Variants in CAMTA2 observed in about 807,000 individuals in gnomAD.
CAMTA2 encodes the protein calmodulin binding transcription activator 2, also known as calmodulin-binding transcription activator 2.
Under a neutral mutation model 135.7 loss-of-function variants are expected in CAMTA2, and 56 were observed. That is an observed-to-expected ratio of 0.41 (90% CI 0.33 to 0.52). CAMTA2 has a LOEUF of 0.52. Among genes scored for constraint, CAMTA2 ranks in the 20% least tolerant of loss-of-function variants. CAMTA2 has a pLI of 0.16. For missense variants in CAMTA2, 1,358 were observed against 1,553.4 expected (o/e 0.87, Z 2.11); for synonymous variants, 591 against 604.6 (o/e 0.98, Z 0.33).
intron 12 of CAMTA2, 90 bp downstream of exon 12, chr17:4,974,295 G>T: frequency 1.2e-6 from 1 of 807,256 alleles, no homozygotes. Context: ...GGACAGGAGA[G>T]GGAGGAGAGT....
At chr17:4,984,795 C>A (rs1026756725) in intron 3 of CAMTA2, among the ~76,000 whole-genome samples, 1 of 149,508 alleles carries the variant, frequency 6.7e-6, no homozygotes, top group Non-Finnish European at 1.5e-5. Flanking sequence ...CCGAGATGGG[C>A]GGATCACTAG....
chr17:4,980,156 G>A lies in CAMTA2; in HGVS notation c.1166C>T (p.Thr389Ile). 2 of 1,585,516 alleles carry A rather than the reference G, an allele frequency of 1.3e-6. No homozygotes were observed. Among genetic ancestry groups the A allele is most frequent in the Admixed American group, 1.8e-5 (1 of 56,628 alleles). The stretch of plus-strand genomic sequence containing the variant: ...GCTTACTCCCTGCCCCCCTCCATAT[G>A]TCTGGCCCCTCTGGGGGCTGTTGAG... ...RFLNSPQRGQ[T>I]YGGGQGVSPD... The change falls in exon 9 of 23, where the codon ACA becomes ATA. Residue 389 changes from threonine (T) to isoleucine (I), a missense_variant. Physicochemically the swap from Thr to Ile is moderately conservative, Grantham distance 89 (BLOSUM62 -1). Coordinates refer to ENST00000348066, the MANE Select transcript of CAMTA2 (RefSeq NM_015099.4). The surrounding 1 kb of genome is among the most constrained non-coding windows in gnomAD (Gnocchi z 5.3).
chr17:4,979,641 G>A, intron 9 of CAMTA2, 43 bp downstream of exon 9: 1 of 1,409,710 alleles, frequency 7.1e-7, no homozygotes, highest in Non-Finnish European at 9.9e-7. Context: ...GGAGTCAGAA[G>A]ACAAATAGGA....
chr17:4,986,125 AGGGCCACTAAAGCGTG>A (rs1973264429), intron 2 of CAMTA2, 51 bp downstream of exon 2: 1 of 1,124,910 alleles, frequency 8.9e-7, no homozygotes, highest in Admixed American at 1.7e-5. Context: ...CAAGAATTAG[AGGGCCACTAAAGCGTG>A]GGGAGAACGA....
At position 4,968,565 on chromosome 17, in the gene CAMTA2, G is replaced by A. The variant is rs1282576238; in HGVS notation, c.*191C>T. 3.2e-6 allele frequency: 2 copies of A among 632,840 alleles called. No individual in the cohort carries two copies. The highest frequency in any genetic ancestry group is 2.7e-5 in the East Asian group (1 of 36,398). The allele number at this position is 632,840 out of a possible 1,614,324, so 39.2% of individuals were successfully genotyped here. On this transcript the variant is annotated 3_prime_UTR_variant, in exon 23 of 23. Transcript: ENST00000348066. The stretch of plus-strand genomic sequence containing the variant: ...TCTGGAGCCAGGACCAAAAGAGACG[G>A]GGCACGACCAGGAGGGACGAGGAGA...
At chr17:4,986,561 G>T (rs746129205) in intron 1 of CAMTA2, 226 of 516,514 alleles carry the variant, frequency 4.4e-4, no homozygotes, top group Non-Finnish European at 6.2e-4. Flanking sequence ...GGGCCTCAGA[G>T]GCCCTAAACC....
chr17:4,984,173 A>T (rs1303774118), intron 3 of CAMTA2, among the ~76,000 whole-genome samples: 6 of 148,558 alleles, frequency 4.0e-5, no homozygotes, highest in Non-Finnish European at 7.5e-5. Context: ...GATGGTCTTG[A>T]TCTCCCGACC....
In CAMTA2 at chr17:4,978,647, G is replaced by C. The variant is rs1391417881; in HGVS notation, c.1639-17C>G. ...GACCCCACCCTGCAGACAGAAGTCA[G>C]AGACCATGTGACTGGAGTTGGGCGT... On this transcript the variant is annotated splice_polypyrimidine_tract_variant and intron_variant, in intron 9 of 22. Transcript: ENST00000348066. The C allele has an allele frequency of 6.2e-7, 1 of 1,609,816 alleles. No homozygotes were observed. Among genetic ancestry groups the C allele is most frequent in the Non-Finnish European group, 8.5e-7 (1 of 1,177,056 alleles).
In CAMTA2 at chr17:4,968,096, C is replaced by A; in HGVS notation, c.*660G>T. On this transcript the variant is annotated 3_prime_UTR_variant, in exon 23 of 23. Transcript: ENST00000348066. ...AGGAGGCCCCCGCCGCGCTAGAGAACCACAAGCCCGGCCGTGCAGCCCTCC... is the reference window on the plus strand; with the variant it reads ...AGGAGGCCCCCGCCGCGCTAGAGAAACACAAGCCCGGCCGTGCAGCCCTCC... The A allele has an allele frequency of 2.0e-6, 1 of 491,928 alleles. No individual in the cohort carries two copies. Among genetic ancestry groups the A allele is most frequent in the Non-Finnish European group, 3.7e-6 (1 of 273,502 alleles). The allele number at this position is 491,928 out of a possible 1,614,324, so 30.5% of individuals were successfully genotyped here.
intron 1 of CAMTA2, chr17:4,986,866 A>C: frequency 9.4e-7 from 1 of 1,065,916 alleles, no homozygotes; most frequent in Non-Finnish European, 1.4e-6. Context: ...CACCCTCAGG[A>C]CAACCCACCC....
intron 15 of CAMTA2, 27 bp downstream of exon 15, chr17:4,972,741 CT>C (rs1486791780): frequency 2.5e-6 from 4 of 1,600,720 alleles, no homozygotes; most frequent in Non-Finnish European, 2.6e-6. Flanking sequence ...CTACATCCCT[CT>C]CTCCAAAAGA....
At chr17:4,973,833 G>T in intron 12 of CAMTA2, 64 bp from the exon 13 acceptor site, 4 of 1,430,270 alleles carry the variant, frequency 2.8e-6, no homozygotes, top group Non-Finnish European at 3.8e-6. Flanking sequence ...AGGTGGCCTT[G>T]GCCACCTCAC....
intron 9 of CAMTA2, 40 bp from the exon 10 acceptor site, chr17:4,978,670 C>T (rs374259666): frequency 2.5e-5 from 40 of 1,598,678 alleles, no homozygotes; most frequent in South Asian, 1.1e-4. Context: ...TGGAGTTGGG[C>T]GTTCATCCCC....
rs1973284324 is a variant in CAMTA2 at position 4,986,276 on chromosome 17, G to A, written c.-54C>T. 2 of 1,443,620 alleles carry A rather than the reference G, an allele frequency of 1.4e-6. No individual in the cohort carries two copies. Among genetic ancestry groups the A allele is most frequent in the Non-Finnish European group, 1.9e-6 (2 of 1,037,770 alleles). 89.4% of individuals were successfully genotyped at this position (1,443,620 alleles called of 1,614,324 possible). A position where few individuals can be genotyped will look rare whatever the true frequency, so the allele number is the denominator to read the frequency against. Reference sequence around the variant, plus strand: ...CCCGGCCTGAGGGGCCGGGGGGAGGGGGAGTCTGTGCTGGGAAGGGAGAGA... The same window carrying A: ...CCCGGCCTGAGGGGCCGGGGGGAGGAGGAGTCTGTGCTGGGAAGGGAGAGA... On this transcript the variant is annotated 5_prime_UTR_variant, in exon 2 of 23. Coordinates refer to ENST00000348066, the MANE Select transcript of CAMTA2 (RefSeq NM_015099.4).
intron 11 of CAMTA2, among the ~76,000 whole-genome samples, chr17:4,975,941 CTATGTT>C (rs1267921366): frequency 2.0e-4 from 31 of 152,202 alleles, no homozygotes; most frequent in African/African-American, 6.3e-4. Flanking sequence ...GTATGTGCCT[CTATGTT>C]TGTGTTAGTA....
intron 3 of CAMTA2, 23 bp from the exon 4 acceptor site, chr17:4,983,066 C>A: frequency 6.3e-7 from 1 of 1,599,830 alleles, no homozygotes; most frequent in South Asian, 1.1e-5. Context: ...AGGCACTCAG[C>A]TGGGCATCTC....
Position 4,969,869 on chromosome 17 carries a change from T to G in CAMTA2, c.3189+33A>C. ...AGCCCAGTCTCCCCTGACTGGAGATTGTGTAATTCATCCTGAGACCCCTGC... is the reference window on the plus strand; with the variant it reads ...AGCCCAGTCTCCCCTGACTGGAGATGGTGTAATTCATCCTGAGACCCCTGC... On this transcript the variant is annotated intron_variant, in intron 18 of 22. Coordinates refer to ENST00000348066, the MANE Select transcript of CAMTA2 (RefSeq NM_015099.4). This position sits in a 1 kb window ranked among gnomAD's most constrained non-coding sequence, Gnocchi z 5.6. 6.2e-7 allele frequency: 1 copy of G among 1,610,250 alleles called. No individual in the cohort carries two copies. Among genetic ancestry groups the G allele is most frequent in the Non-Finnish European group, 8.5e-7 (1 of 1,176,974 alleles).
chr17:4,969,422 C>G lies in CAMTA2; in HGVS notation c.3282+78G>C, dbSNP rs1485205415. On this transcript the variant is annotated intron_variant, in intron 20 of 22. Transcript: ENST00000348066. This position sits in a 1 kb window ranked among gnomAD's most constrained non-coding sequence, Gnocchi z 5.6. ...GAGGCTCACCCAAGTTAGGCTGATGCAAGACTCTCTGTAACCCACACACTC... is the reference window on the plus strand; with the variant it reads ...GAGGCTCACCCAAGTTAGGCTGATGGAAGACTCTCTGTAACCCACACACTC... 4.4e-6 allele frequency: 7 copies of G among 1,608,170 alleles called. No homozygotes were observed. The Admixed American group carries it at 1.0e-4, about 23-fold the overall frequency.
chr17:4,981,433 G>A, intron 7 of CAMTA2, 74 bp from the exon 8 acceptor site: 2 of 1,570,944 alleles, frequency 1.3e-6, no homozygotes, highest in Admixed American at 3.5e-5. Context: ...GCTCCTCCAA[G>A]CACCTGACAT....
Sources: allele counts gnomAD v4.1 joint callset (sites outside exome capture counted in the v4.1 genomes callset), GRCh38; gene constraint gnomAD v4.1.1; non-coding constraint Gnocchi (gnomAD v3.1); transcripts MANE v1.5; gene names NCBI Gene and HGNC (gene_info 2026-07-23, HGNC 2026-07-21).